Variants in STRIP2 observed in about 807,000 individuals in gnomAD.
The protein encoded by STRIP2 is striatin-interacting protein 2.
A neutral mutation model predicts 107.1 loss-of-function variants in STRIP2; 84 were observed. The ratio of observed to expected loss-of-function variants is 0.78; its 90% CI spans 0.66 to 0.94. The LOEUF (loss-of-function observed/expected upper bound fraction) is 0.94. Ranked by LOEUF, STRIP2 falls within the 40% of genes least tolerant of loss-of-function variation. STRIP2 has a pLI of 0.00. For synonymous variants in STRIP2, 394 were observed against 400.4 expected (o/e 0.98, Z 0.19); for missense variants, 888 against 1,034.2 (o/e 0.86, Z 1.94).
chr7:129,453,498 C>A, intron 5 of STRIP2, 151 bp downstream of exon 5: 2 of 978,168 alleles, frequency 2.0e-6, no homozygotes, highest in Non-Finnish European at 1.5e-6. Flanking sequence ...AGTTCCCCTC[C>A]ATCCAGCCAT....
chr7:129,462,101 A>C (rs1235006479), intron 13 of STRIP2, among the ~76,000 whole-genome samples: 2 of 152,166 alleles, frequency 1.3e-5, no homozygotes, highest in African/African-American at 4.8e-5. Flanking sequence ...CAGGGTCAGC[A>C]ACTGTTTAGG....
chr7:129,455,383 T>TC lies in STRIP2; in HGVS notation c.834+16dup. On this transcript the variant is annotated intron_variant, in intron 8 of 20. Coordinates refer to ENST00000249344, the MANE Select transcript of STRIP2 (RefSeq NM_020704.3). ...GGAAGGTGGTCATGGTGAGTAATTC[T>TC]CCCCACTCCCACATTATCAGATCAG... 1 of 1,610,444 alleles carries TC rather than the reference T, an allele frequency of 6.2e-7. No individual in the cohort carries two copies. Among genetic ancestry groups the TC allele is most frequent in the Non-Finnish European group, 8.5e-7 (1 of 1,178,608 alleles).
chr7:129,451,109 T>C (rs1489912797), intron 3 of STRIP2, among the ~76,000 whole-genome samples: 5 of 151,722 alleles, frequency 3.3e-5, no homozygotes, highest in African/African-American at 1.2e-4. Context: ...GCTAATTTTT[T>C]GTATTTTTAG....
intron 18 of STRIP2, among the ~76,000 whole-genome samples, chr7:129,474,850 G>T (rs1798875762): frequency 6.6e-6 from 1 of 152,166 alleles, no homozygotes; most frequent in Non-Finnish European, 1.5e-5. Flanking sequence ...TTCTGAATTT[G>T]AACTGAATTC....
At chr7:129,451,149 C>T (rs939913085) in intron 3 of STRIP2, among the ~76,000 whole-genome samples, 10 of 151,636 alleles carry the variant, frequency 6.6e-5, no homozygotes, top group Admixed American at 5.9e-4. Context: ...TTTTTTTAGC[C>T]GGGATGGTCT....
At chr7:129,463,874 G>A (rs1221533766) in intron 14 of STRIP2, among the ~76,000 whole-genome samples, 170 bp from the exon 15 acceptor site, 1 of 152,218 alleles carries the variant, frequency 6.6e-6, no homozygotes, top group African/African-American at 2.4e-5. Context: ...AGGCCTGTCA[G>A]GACTGGGCAC....
Position 129,458,508 on chromosome 7 carries a change from A to G in STRIP2, c.1274+58A>G. 7.1e-7 allele frequency: 1 copy of G among 1,406,484 alleles called. No homozygotes were observed. The highest frequency in any genetic ancestry group is 1.4e-5 in the South Asian group (1 of 72,170). 87.1% of individuals were successfully genotyped at this position (1,406,484 alleles called of 1,614,324 possible). On this transcript the variant is annotated intron_variant, in intron 10 of 20. Transcript: ENST00000249344. The surrounding 1 kb of genome is among the most constrained non-coding windows in gnomAD (Gnocchi z 4.6). ...TCGGGGTTTCAGTCTCCAAAGGCCC[A>G]AGATGGGGTAGTCTATGTATTCAAG... is the stretch of plus-strand genomic sequence containing the variant.
At chr7:129,456,382 C>G in intron 8 of STRIP2, 57 bp from the exon 9 acceptor site, 8 of 1,513,378 alleles carry the variant, frequency 5.3e-6, no homozygotes, top group Non-Finnish European at 7.3e-6. Flanking sequence ...CTGACCTTGG[C>G]TCTCTCTTAC....
At chr7:129,454,561 G>A (rs1290997487) in intron 7 of STRIP2, 34 bp downstream of exon 7, 1 of 1,352,572 alleles carries the variant, frequency 7.4e-7, no homozygotes, top group African/African-American at 1.4e-5. Flanking sequence ...GTGTGGATGG[G>A]GTGCTAATGG....
At chr7:129,451,856 C>A in intron 4 of STRIP2, 109 bp downstream of exon 4, 1 of 1,324,776 alleles carries the variant, frequency 7.5e-7, no homozygotes, top group Non-Finnish European at 1.1e-6. Flanking sequence ...GGTTTCTTGC[C>A]TCTCAAGGAC....
intron 18 of STRIP2, chr7:129,477,906 A>C (rs1799013195): frequency 1.7e-5 from 9 of 516,398 alleles, no homozygotes; most frequent in South Asian, 1.3e-4. Flanking sequence ...GAGTTGAAAA[A>C]ATTTATAGAC....
At chr7:129,444,430 G>A in intron 3 of STRIP2, among the ~76,000 whole-genome samples, 1 of 152,184 alleles carries the variant, frequency 6.6e-6, no homozygotes. Flanking sequence ...TAGGCTGAAA[G>A]GCTAGGCCCA....
Position 129,470,662 on chromosome 7 carries a change from G to T in STRIP2, c.1891G>T (p.Asp631Tyr). The change falls in exon 18 of 21, where the codon GAT becomes TAT. Residue 631 changes from aspartate to tyrosine, a missense_variant. Physicochemically the swap from Asp to Tyr is radical, Grantham distance 160. Transcript: ENST00000249344. ...TGCATCTTACAGCATCTCAGTCCTG[G>T]ATTATCCTTGCTGTACCATCCAGGA... ...ITAKNSISVL[D>Y]YPCCTIQDLP... is the part of the protein sequence containing the mutation. The T allele has an allele frequency of 1.2e-6, 2 of 1,613,942 alleles. 1 individual carries two copies. The highest frequency in any genetic ancestry group is 2.2e-5 in the South Asian group (2 of 91,064).
At chr7:129,460,568 A>G (rs1007735056) in intron 13 of STRIP2, 196 bp downstream of exon 13, 7 of 583,896 alleles carry the variant, frequency 1.2e-5, no homozygotes, top group African/African-American at 1.1e-4. Flanking sequence ...AAACCAAACT[A>G]TCAGAGAATG....
chr7:129,437,539 T>A (rs1279147717), intron 1 of STRIP2, among the ~76,000 whole-genome samples: 1 of 152,144 alleles, frequency 6.6e-6, no homozygotes, highest in Non-Finnish European at 1.5e-5. Flanking sequence ...TGTGTGTGTG[T>A]GTGTGTGCTG....
Position 129,488,095 on chromosome 7 carries a change from T to C in STRIP2, c.*2266T>C, listed in dbSNP as rs948733943. ...TTGAATCTTCCAATTTGAGAACCCATGTATGGGTTGCAGTGAGCCGAGATC... is the reference window on the plus strand; with the variant it reads ...TTGAATCTTCCAATTTGAGAACCCACGTATGGGTTGCAGTGAGCCGAGATC... On this transcript the variant is annotated 3_prime_UTR_variant, in exon 21 of 21. Coordinates refer to ENST00000249344, the MANE Select transcript of STRIP2 (RefSeq NM_020704.3). 6 of 152,138 alleles carry C rather than the reference T, an allele frequency of 3.9e-5. No individual in the cohort carries two copies. Among genetic ancestry groups the C allele is most frequent in the African/African-American group, 1.4e-4 (6 of 41,424 alleles). The allele number at this position is 152,138 out of a possible 1,614,324, so 9.4% of individuals were successfully genotyped here.
In STRIP2 at chr7:129,454,398, T is replaced by C. The variant is rs201198497; in HGVS notation, c.600-23T>C. On this transcript the variant is annotated intron_variant, in intron 6 of 20. Coordinates refer to ENST00000249344, the MANE Select transcript of STRIP2 (RefSeq NM_020704.3). ...GGCTGGGAATTGCCTTGGGAACCTC[T>C]TGTGACTCTTCTGTAACCCCAGGGT... 6 of 1,594,118 alleles carry C rather than the reference T, an allele frequency of 3.8e-6. No individual in the cohort carries two copies. The Admixed American group carries it at 6.7e-5, about 18-fold the overall frequency.
At chr7:129,453,416 C>A (rs1299933386) in intron 5 of STRIP2, 69 bp downstream of exon 5, 1 of 1,587,696 alleles carries the variant, frequency 6.3e-7, no homozygotes, top group Non-Finnish European at 8.6e-7. Flanking sequence ...ATGTTCTATG[C>A]TGCTTCCCTC....
intron 16 of STRIP2, among the ~76,000 whole-genome samples, chr7:129,467,147 T>C (rs1477958585): frequency 2.6e-5 from 4 of 152,234 alleles, no homozygotes; most frequent in South Asian, 4.1e-4. Flanking sequence ...TTGTGACATA[T>C]ACTGCAGATT....
Sources: allele counts gnomAD v4.1 joint callset (sites outside exome capture counted in the v4.1 genomes callset), GRCh38; gene constraint gnomAD v4.1.1; non-coding constraint Gnocchi (gnomAD v3.1); transcripts MANE v1.5; gene names NCBI Gene and HGNC (gene_info 2026-07-23, HGNC 2026-07-21).